Variants in ACACB observed in about 807,000 individuals in gnomAD.
ACACB encodes acetyl-CoA carboxylase beta.
In ACACB, 209 loss-of-function variants were observed where a neutral mutation model predicts 278.8. The ratio of observed to expected loss-of-function variants is 0.75; its 90% confidence interval spans 0.67 to 0.84. The LOEUF (loss-of-function observed/expected upper bound fraction) is 0.84, where lower values mean the gene tolerates loss of function less well. Ranked by LOEUF, ACACB falls within the 40% of genes least tolerant of loss-of-function variation. The pLI, the probability that ACACB is intolerant of heterozygous loss-of-function variation, is 0.00. For synonymous variants in ACACB, 1,174 were observed against 1,285.6 expected (o/e 0.91, Z 1.86); for missense variants, 2,850 against 3,269.0 (o/e 0.87, Z 3.13).
At position 109,242,323 on chromosome 12, in the gene ACACB, A is replaced by G. The variant is rs2046822135; in HGVS notation, c.5023-114A>G. 1.5e-5 allele frequency: 18 copies of G among 1,209,490 alleles called. No homozygotes were observed. The South Asian group carries it at 2.4e-4, about 16-fold the overall frequency. The allele number at this position is 1,209,490 out of a possible 1,614,324, so 74.9% of individuals were successfully genotyped here. A position where few individuals can be genotyped will look rare whatever the true frequency, so the allele number is the denominator to read the frequency against. On this transcript the variant is annotated intron_variant, in intron 36 of 52. Coordinates refer to ENST00000338432, the MANE Select transcript of ACACB (RefSeq NM_001093.4). The stretch of plus-strand genomic sequence containing the variant: ...GCCCAGGCACTCACTTTGTCATGCC[A>G]TGTGACATGCTTTGCTTCCCCCACC...
At chr12:109,192,040 T>G in intron 15 of ACACB, 90 bp downstream of exon 15, 1 of 1,349,940 alleles carries the variant, frequency 7.4e-7, no homozygotes, top group Non-Finnish European at 1.0e-6. Context: ...TGTGGCCAGT[T>G]AGTCACCAGG....
rs1170161442 is a variant in ACACB, at chr12:109,222,858, T to C, written c.3738T>C (p.Ile1246=). ...YELRHNQVES[I]FLSAIDMYGH... ...TGCGGCATAACCAGGTGGAGTCCAT[T>C]TTCCTGTCTGCCATTGACATGTACG... Residue 1246 remains isoleucine, a synonymous_variant, in exon 26 of 53, where the codon ATT becomes ATC. Coordinates refer to ENST00000338432, the MANE Select transcript of ACACB (RefSeq NM_001093.4). 1 of 1,613,852 alleles carries C rather than the reference T, an allele frequency of 6.2e-7. No homozygotes were observed. The highest frequency in any genetic ancestry group is 1.1e-5 in the South Asian group (1 of 91,042).
At position 109,265,246 on chromosome 12, in the gene ACACB, G is replaced by A. The variant is rs750093564; in HGVS notation, c.7079G>A (p.Arg2360His). 3.7e-6 allele frequency: 6 copies of A among 1,613,486 alleles called. No homozygotes were observed. Among genetic ancestry groups the A allele is most frequent in the African/African-American group, 1.3e-5 (1 of 75,044 alleles). Residue 2360 changes from arginine (R) to histidine (H), a missense_variant, in exon 51 of 53, where the codon CGT (arginine) becomes CAT (histidine). Physicochemically the swap from Arg to His is conservative, Grantham distance 29. Around this residue, in one of 3 missense-constraint regions of ACACB, gnomAD observed 579 missense variants for 684.6 expected, o/e 0.85. Coordinates refer to ENST00000338432, the MANE Select transcript of ACACB (RefSeq NM_001093.4). ...CACGTGCATATCCAGTCCATGCTGC[G>A]TCGCTGGTTCGTGGAGACGGAGGGG... ...LSHVHIQSML[R>H]RWFVETEGAV... is the part of the protein sequence containing the mutation.
intron 19 of ACACB, among the ~76,000 whole-genome samples, chr12:109,204,978 C>T (rs1045040894): frequency 6.6e-6 from 1 of 152,098 alleles, no homozygotes; most frequent in Non-Finnish European, 1.5e-5. Flanking sequence ...TCCCGGGTAG[C>T]AAGTACCTGG....
chr12:109,183,377 T>C (rs1273142892), intron 11 of ACACB, among the ~76,000 whole-genome samples: 1 of 152,202 alleles, frequency 6.6e-6, no homozygotes, highest in African/African-American at 2.4e-5. Context: ...TTGGGTAATA[T>C]AGCCATTTTA....
At chr12:109,145,173 G>A (rs970497686) in intron 2 of ACACB, among the ~76,000 whole-genome samples, 5 of 152,322 alleles carry the variant, frequency 3.3e-5, no homozygotes, top group Admixed American at 6.5e-5. Flanking sequence ...TTGTTTTTTG[G>A]AAAACTGGTC....
intron 27 of ACACB, 82 bp downstream of exon 27, chr12:109,223,986 C>T: frequency 8.7e-7 from 1 of 1,155,636 alleles, no homozygotes; most frequent in Non-Finnish European, 1.3e-6. Flanking sequence ...TGACCCTAGG[C>T]CACATGCCTT....
chr12:109,207,925 C>T (rs906254223), intron 20 of ACACB, among the ~76,000 whole-genome samples: 3 of 152,120 alleles, frequency 2.0e-5, no homozygotes, highest in African/African-American at 7.2e-5. Flanking sequence ...GGTGATCCAC[C>T]CACCTTGGCC....
chr12:109,234,937 A>C (rs1477204916), intron 31 of ACACB, among the ~76,000 whole-genome samples: 1 of 151,678 alleles, frequency 6.6e-6, no homozygotes, highest in Non-Finnish European at 1.5e-5. Flanking sequence ...AGAAATAAGA[A>C]AAAAAGTGTA....
intron 1 of ACACB, among the ~76,000 whole-genome samples, chr12:109,134,015 C>T (rs1348861204): frequency 6.6e-6 from 1 of 150,684 alleles, no homozygotes; most frequent in Non-Finnish European, 1.5e-5. Flanking sequence ...ATGTCCCAGG[C>T]TCAAGTGAGC....
rs192427906 is a variant in ACACB at position 109,190,066 on chromosome 12, G to A, written c.2145-1547G>A. On this transcript the variant is annotated intron_variant, in intron 13 of 52. Transcript: ENST00000338432. ...ATGGAGGTTGCAGTGAGCTGAGATC[G>A]TGCCATTTCACTCCAGCCTGGGCAA... Among the ~76,000 whole-genome samples the A allele has an allele frequency of 2.5e-3, 373 of 152,140 alleles. 3 individuals carry two copies. Among genetic ancestry groups the A allele is most frequent in the East Asian group, 2.1e-3 (11 of 5,168 alleles).
At chr12:109,209,490 G>A (rs2045618938) in intron 21 of ACACB, 137 bp downstream of exon 21, 4 of 882,550 alleles carry the variant, frequency 4.5e-6, no homozygotes, top group Non-Finnish European at 6.7e-6. Context: ...AGGGGCCGAG[G>A]GTTTCCTTTT....
At chr12:109,185,454 T>C (rs540704209) in intron 11 of ACACB, 125 bp from the exon 12 acceptor site, 45 of 1,021,104 alleles carry the variant, frequency 4.4e-5, no homozygotes, top group Non-Finnish European at 6.1e-5. Flanking sequence ...ATGTTGTCTA[T>C]AGAGTAGTGT....
chr12:109,206,790 C>A lies in ACACB; in HGVS notation c.2994C>A (p.Ser998Arg). ...LGEKLHQVFH[S>R]VLENLTNVMS... ...AGAAACTGCACCAGGTCTTCCACAG[C>A]GTCCTGGAAAACCTCACCAACGTCA... Residue 998 changes from serine to arginine, a missense_variant, in exon 20 of 53, where the codon AGC becomes AGA. By Grantham distance (110) the Ser-to-Arg change is moderately radical. Around this residue, in one of 3 missense-constraint regions of ACACB, gnomAD observed 2,265 missense variants for 2,561.3 expected, o/e 0.88. Transcript: ENST00000338432. 6.2e-7 allele frequency: 1 copy of A among 1,614,148 alleles called. No homozygotes were observed. Among genetic ancestry groups the A allele is most frequent in the Non-Finnish European group, 8.5e-7 (1 of 1,180,024 alleles).
upstream of ACACB, chr12:109,113,346 G>T: frequency 6.6e-6 from 1 of 152,258 alleles, no homozygotes; most frequent in East Asian, 1.9e-4. Context: ...GAGCTGGATG[G>T]TTCCACGTGG....
chr12:109,112,329 TGTG>T (rs199535876), upstream of ACACB, among the ~76,000 whole-genome samples: 2,588 of 151,272 alleles, frequency 0.017, 68 homozygotes, highest in African/African-American at 0.058. Flanking sequence ...ACTTTAGTCA[TGTG>T]GTGACACTTT....
At chr12:109,114,443 T>C (rs2042365036), upstream of ACACB, among the ~76,000 whole-genome samples, 1 of 152,042 alleles carries the variant, frequency 6.6e-6, no homozygotes, top group South Asian at 2.1e-4. Flanking sequence ...AAATTCTGAT[T>C]TAATTGGTGG....
At chr12:109,197,708 C>T (rs1281680719) in intron 17 of ACACB, among the ~76,000 whole-genome samples, 1 of 152,044 alleles carries the variant, frequency 6.6e-6, no homozygotes, top group Non-Finnish European at 1.5e-5. Context: ...AGATAGGCCC[C>T]AAAGATGCCC....
chr12:109,139,321 T>G, intron 1 of ACACB, 76 bp from the exon 2 acceptor site: 1 of 1,405,018 alleles, frequency 7.1e-7, no homozygotes, highest in South Asian at 1.4e-5. Context: ...AACAGCCTCC[T>G]GCCCCACTAG....
Sources: allele counts gnomAD v4.1 joint callset (sites outside exome capture counted in the v4.1 genomes callset), GRCh38; gene constraint gnomAD v4.1.1; regional missense constraint gnomAD v4.1.1; transcripts MANE v1.5; gene names NCBI Gene and HGNC (gene_info 2026-07-23, HGNC 2026-07-21).